The following MYO1E variants were observed in gnomAD, a reference collection of about 807,000 sequenced individuals.
MYO1E encodes unconventional myosin-Ie.
MYO1E carries 68 observed loss-of-function variants against 151.1 expected under a neutral mutation model. The observed-to-expected ratio is 0.45, with a 90% CI of 0.37 to 0.55. MYO1E has a LOEUF of 0.55. Among genes scored for constraint, MYO1E ranks in the 20% least tolerant of loss-of-function variants. MYO1E has a pLI of 0.00. For synonymous variants in MYO1E, 601 were observed against 501.7 expected, an observed-to-expected ratio of 1.20 and a Z score of -2.64; for missense variants, 1,363 against 1,389.3, an observed-to-expected ratio of 0.98 and a Z score of 0.30.
rs78965948 is a variant in MYO1E, at chr15:59,159,656, T to C, written c.2786-1277A>G. ...CCGTCCACATCTTTTCACTGAAAAA[T>C]CGCTTCAGAAATCCCTCCAAAAGTT... On this transcript the variant is annotated intron_variant, in intron 24 of 27. Transcript: ENST00000288235. This position sits in a 1 kb window ranked among gnomAD's most constrained non-coding sequence, Gnocchi z 4.4. Among the ~76,000 whole-genome samples, 9,100 of 152,212 alleles carry C rather than the reference T, an allele frequency of 0.06. 316 individuals carry two copies. The highest frequency in any genetic ancestry group is 0.092 in the African/African-American group (3,806 of 41,514).
rs75303225 is a variant in MYO1E, at chr15:59,139,536, T to A, written c.3081-1169A>T. Reference sequence around the variant, plus strand: ...GCAGACATCCCTCCTACCCCCTCATTATTACTCCTCAGACTTCCGTCTCAC... The same window carrying A: ...GCAGACATCCCTCCTACCCCCTCATAATTACTCCTCAGACTTCCGTCTCAC... On this transcript the variant is annotated intron_variant, in intron 26 of 27. Coordinates refer to ENST00000288235, the MANE Select transcript of MYO1E (RefSeq NM_004998.4). Among the ~76,000 whole-genome samples the A allele has an allele frequency of 4.9e-3, 691 of 141,160 alleles. 8 individuals are homozygous for A. The highest frequency in any genetic ancestry group is 0.018 in the African/African-American group (657 of 37,246). The allele number at this position is 141,160 out of a possible 152,430, so 92.6% of individuals were successfully genotyped here.
chr15:59,266,448 G>A (rs1566996490), intron 2 of MYO1E, among the ~76,000 whole-genome samples: 1 of 152,144 alleles, frequency 6.6e-6, no homozygotes. Flanking sequence ...CCAAATGCCT[G>A]CCCGTGGATC....
At chr15:59,281,961 C>CAA (rs377210595) in intron 1 of MYO1E, among the ~76,000 whole-genome samples, 17 of 117,544 alleles carry the variant, frequency 1.4e-4, no homozygotes, top group African/African-American at 3.9e-4. Context: ...AGACCCTGTT[C>CAA]AAAAAAAAAA....
intron 10 of MYO1E, among the ~76,000 whole-genome samples, chr15:59,216,361 A>C (rs1368955796): frequency 6.6e-6 from 1 of 151,778 alleles, no homozygotes; most frequent in Non-Finnish European, 1.5e-5. Context: ...TTGTTGTAAG[A>C]ATTAAGTGAG....
intron 1 of MYO1E, among the ~76,000 whole-genome samples, chr15:59,312,858 A>T (rs199934604): frequency 4.0e-5 from 6 of 150,638 alleles, no homozygotes; most frequent in Non-Finnish European, 5.9e-5. Context: ...ACTCTACTAA[A>T]AATAATAATA....
At chr15:59,292,083 G>A (rs1216095694) in intron 1 of MYO1E, among the ~76,000 whole-genome samples, 3 of 152,040 alleles carry the variant, frequency 2.0e-5, no homozygotes, top group Admixed American at 6.6e-5. Context: ...TAAGTAAACC[G>A]TTCAGATCCT....
chr15:59,199,087 G>T (rs1358273925), intron 16 of MYO1E, among the ~76,000 whole-genome samples: 1 of 152,062 alleles, frequency 6.6e-6, no homozygotes, highest in Non-Finnish European at 1.5e-5. Flanking sequence ...TCAGATTTTG[G>T]AATATTGGCA....
chr15:59,331,113 G>A (rs937172613), intron 1 of MYO1E, among the ~76,000 whole-genome samples: 1 of 152,180 alleles, frequency 6.6e-6, no homozygotes, highest in Non-Finnish European at 1.5e-5. Context: ...ACAGCCACGT[G>A]ATTTCATGCT....
rs137977039 is a variant in MYO1E at position 59,167,707 on chromosome 15, C to T, written c.2480+4190G>A. ...ATTTATTTATTTTGAGACGGAGTCT[C>T]GCTCTGTTGCCCAGGCTGGAGTGCA... is the stretch of plus-strand genomic sequence containing the variant. On this transcript the variant is annotated intron_variant, in intron 22 of 27. Coordinates refer to ENST00000288235, the MANE Select transcript of MYO1E (RefSeq NM_004998.4). Among the ~76,000 whole-genome samples the T allele has an allele frequency of 9.1e-3, 1,381 of 152,306 alleles. 33 individuals are homozygous for T. The highest frequency in any genetic ancestry group is 0.031 in the African/African-American group (1,273 of 41,542).
At chr15:59,360,623 A>C (rs2080879783) in intron 1 of MYO1E, among the ~76,000 whole-genome samples, 1 of 152,162 alleles carries the variant, frequency 6.6e-6, no homozygotes, top group South Asian at 2.1e-4. Flanking sequence ...TCTTGTTGTT[A>C]GCTTCTGTTT....
chr15:59,269,634 G>A (rs1457188302), intron 2 of MYO1E, among the ~76,000 whole-genome samples: 3 of 152,090 alleles, frequency 2.0e-5, no homozygotes, highest in Admixed American at 1.3e-4. Flanking sequence ...GAGGTGGACA[G>A]ATCATGAGGT....
In MYO1E at chr15:59,208,866, G is replaced by A. The variant is rs1006941683; in HGVS notation, c.1363-18C>T. On this transcript the variant is annotated intron_variant, in intron 13 of 27. Coordinates refer to ENST00000288235, the MANE Select transcript of MYO1E (RefSeq NM_004998.4). ...GGAGGGTTCTGATGGGAGCAAGAAG[G>A]CAAGGCCCTAGTCACTGACCTCTCC... 7 of 1,613,860 alleles carry A rather than the reference G, an allele frequency of 4.3e-6. No individual in the cohort carries two copies. The highest frequency in any genetic ancestry group is 1.6e-4 in the Middle Eastern group (1 of 6,062).
At chr15:59,158,803 C>T (rs1259408224) in intron 24 of MYO1E, among the ~76,000 whole-genome samples, 1 of 152,220 alleles carries the variant, frequency 6.6e-6, no homozygotes, top group Non-Finnish European at 1.5e-5. Context: ...TGCACACCTG[C>T]CTACGTCAAG....
At chr15:59,253,143 T>C (rs894918695) in intron 4 of MYO1E, among the ~76,000 whole-genome samples, 1 of 152,214 alleles carries the variant, frequency 6.6e-6, no homozygotes, top group African/African-American at 2.4e-5. Flanking sequence ...GTTTGAGTAA[T>C]ACTGAAAATA....
intron 7 of MYO1E, among the ~76,000 whole-genome samples, chr15:59,226,933 G>A (rs2079995230): frequency 6.6e-6 from 1 of 152,202 alleles, no homozygotes; most frequent in African/African-American, 2.4e-5. Context: ...GGTCTAGGTG[G>A]CAACTTTTCA....
In MYO1E at chr15:59,188,211, T is replaced by G; in HGVS notation, c.1811A>C (p.Lys604Thr). The G allele has an allele frequency of 6.2e-7, 1 of 1,613,592 alleles. No homozygotes were observed. Among genetic ancestry groups the G allele is most frequent in the African/African-American group, 1.3e-5 (1 of 75,046 alleles). The change falls in exon 18 of 28, where the codon AAG (lysine) becomes ACG (threonine). Residue 604 changes from lysine to threonine, a missense_variant. By Grantham distance (78) the Lys-to-Thr change is moderately conservative. Transcript: ENST00000288235. ...CAGACCCAAATATTCGACTTGATGC[T>G]TTACCCTGTGCAAAGGAGAAAATGG... ...KPRDWEESRV[K>T]HQVEYLGLKE...
chr15:59,335,213 G>T (rs1320495349), intron 1 of MYO1E, among the ~76,000 whole-genome samples: 1 of 151,576 alleles, frequency 6.6e-6, no homozygotes, highest in African/African-American at 2.4e-5. Flanking sequence ...CAATTTTGAC[G>T]TTCAAATTTA....
chr15:59,307,966 C>G (rs1234147153), intron 1 of MYO1E, among the ~76,000 whole-genome samples: 2 of 150,544 alleles, frequency 1.3e-5, no homozygotes, highest in Admixed American at 6.6e-5. Flanking sequence ...CCTGTAATCC[C>G]AGCACTTGGG....
At chr15:59,347,380 G>C (rs1006907127) in intron 1 of MYO1E, among the ~76,000 whole-genome samples, 2 of 152,092 alleles carry the variant, frequency 1.3e-5, no homozygotes, top group African/African-American at 4.8e-5. Context: ...CCACGAAACC[G>C]GTCCCTGGTG....
Sources: gnomAD v4.1 joint callset for allele counts (sites outside exome capture counted in the v4.1 genomes callset) on GRCh38, gnomAD v4.1.1 for gene constraint, Gnocchi (gnomAD v3.1) non-coding constraint, MANE v1.5 for transcripts, NCBI Gene and HGNC (gene_info 2026-07-23, HGNC 2026-07-21) for gene names.